Variants in ANK1 observed in about 807,000 individuals in gnomAD.
The protein encoded by ANK1 is ankyrin-1.
Under a neutral mutation model 210.4 loss-of-function variants are expected in ANK1, and 51 were observed. The ratio of observed to expected loss-of-function variants is 0.24; its 90% CI spans 0.19 to 0.31. The LOEUF (loss-of-function observed/expected upper bound fraction) is 0.31. Ranked by LOEUF, ANK1 falls within the 10% of genes least tolerant of loss-of-function variation. The pLI, the probability that ANK1 is intolerant of heterozygous loss-of-function variation, is 1.00. For missense variants in ANK1, 2,051 were observed against 2,504.4 expected, an observed-to-expected ratio of 0.82 and a Z score of 3.86; for synonymous variants, 967 against 1,025.9, an observed-to-expected ratio of 0.94 and a Z score of 1.10.
intron 1 of ANK1, among the ~76,000 whole-genome samples, chr8:41,871,323 T>A (rs1196064052): frequency 6.6e-6 from 1 of 152,120 alleles, no homozygotes; most frequent in Non-Finnish European, 1.5e-5. Context: ...TTTATTTATG[T>A]TTTAGAGACA....
In ANK1 at chr8:41,724,421, C is replaced by A. The variant is rs1179030541; in HGVS notation, c.711+35G>T. ...CAGGAGCAACTGCCAGCCCCAAGCCCCCGGACAGTGAGGGCGCACGTGCCC... is the reference window on the plus strand; with the variant it reads ...CAGGAGCAACTGCCAGCCCCAAGCCACCGGACAGTGAGGGCGCACGTGCCC... On this transcript the variant is annotated intron_variant, in intron 7 of 42. Transcript: ENST00000289734. 2.6e-6 allele frequency: 4 copies of A among 1,526,682 alleles called. No homozygotes were observed. The Admixed American group carries it at 5.9e-5, about 22-fold the overall frequency. The allele number at this position is 1,526,682 out of a possible 1,614,324, so 94.6% of individuals were successfully genotyped here. A position where few individuals can be genotyped will look rare whatever the true frequency, so the allele number is the denominator to read the frequency against.
chr8:41,864,970 A>G (rs1255707797), intron 1 of ANK1, among the ~76,000 whole-genome samples: 1 of 152,330 alleles, frequency 6.6e-6, no homozygotes, highest in South Asian at 2.1e-4. Flanking sequence ...ACACATGGCA[A>G]GAGGGGACCA....
rs1346363723 is a variant in ANK1, at chr8:41,724,495, C to A, written c.672G>T (p.Leu224Phe). 1 of 1,600,166 alleles carries A rather than the reference C, an allele frequency of 6.2e-7. No individual in the cohort carries two copies. The highest frequency in any genetic ancestry group is 1.1e-5 in the South Asian group (1 of 88,158). Residue 224 changes from leucine (L) to phenylalanine (F), a missense_variant, in exon 7 of 43, where the codon TTG (leucine) becomes TTT (phenylalanine). This residue lies in a region of ANK1 where 1,413 missense variants were observed against 1,707.4 expected (regional missense o/e 0.83). Coordinates refer to ENST00000289734, the MANE Select transcript of ANK1 (RefSeq NM_000037.4). Reference sequence around the variant, plus strand: ...TGACGCTGGCTCCTCTGTTGAGGAGCAACTGGGCCACGTTGAGGTTCTCGT... The same window carrying A: ...TGACGCTGGCTCCTCTGTTGAGGAGAAACTGGGCCACGTTGAGGTTCTCGT... The part of the protein sequence containing the change: ...AHYENLNVAQ[L>F]LLNRGASVNF...
At chr8:41,781,397 A>G (rs1845289485) in intron 1 of ANK1, among the ~76,000 whole-genome samples, 1 of 152,198 alleles carries the variant, frequency 6.6e-6, no homozygotes, top group Admixed American at 6.5e-5. Flanking sequence ...GACGCCTTTT[A>G]GGCAGAATTC....
At chr8:41,762,803 G>A (rs964211198) in intron 1 of ANK1, among the ~76,000 whole-genome samples, 6 of 152,184 alleles carry the variant, frequency 3.9e-5, no homozygotes, top group East Asian at 1.9e-4. Flanking sequence ...ATTAACTACC[G>A]TTTATGGCAC....
chr8:41,875,330 G>A (rs1313092870), intron 1 of ANK1, among the ~76,000 whole-genome samples: 1 of 152,238 alleles, frequency 6.6e-6, no homozygotes, highest in Non-Finnish European at 1.5e-5. Context: ...CTGGAGGCAG[G>A]AGGAGGCAGG....
intron 1 of ANK1, among the ~76,000 whole-genome samples, chr8:41,895,172 C>T (rs1325438656): frequency 6.6e-6 from 1 of 152,148 alleles, no homozygotes; most frequent in African/African-American, 2.4e-5. Flanking sequence ...ACTTCTTTCT[C>T]GGAATGAGAC....
intron 1 of ANK1, among the ~76,000 whole-genome samples, chr8:41,849,418 G>A (rs989145601): frequency 2.6e-5 from 4 of 151,762 alleles, no homozygotes; most frequent in African/African-American, 9.7e-5. Context: ...CAGCTACCAG[G>A]GAGGCTGAAG....
At chr8:41,822,132 GAGAAAGAAAGAA>G (rs71239083) in intron 1 of ANK1, among the ~76,000 whole-genome samples, 2,894 of 40,760 alleles carry the variant, frequency 0.071, 75 homozygotes, top group East Asian at 0.095. Context: ...GAGAAAGAAA[GAGAAAGAAAGAA>G]AGAAAGAAAG....
intron 1 of ANK1, among the ~76,000 whole-genome samples, chr8:41,859,329 T>A (rs1015513272): frequency 3.3e-5 from 5 of 151,208 alleles, no homozygotes; most frequent in African/African-American, 1.2e-4. Flanking sequence ...TTATTTTTTG[T>A]TTGTTTGTGT....
chr8:41,677,957 A>C (rs1814736600), intron 37 of ANK1, among the ~76,000 whole-genome samples: 1 of 151,868 alleles, frequency 6.6e-6, no homozygotes, highest in African/African-American at 2.4e-5. Context: ...TACATAACAC[A>C]TTTTTTTCCC....
At chr8:41,876,411 A>T (rs577348676) in intron 1 of ANK1, among the ~76,000 whole-genome samples, 117 of 152,326 alleles carry the variant, frequency 7.7e-4, no homozygotes, top group Non-Finnish European at 1.3e-3. Context: ...GCTGACACTG[A>T]TCGTGCCCCC....
rs114159834 is a variant in ANK1 at position 41,822,285 on chromosome 8, T to C, written c.127-64148A>G. Among the ~76,000 whole-genome samples the C allele has an allele frequency of 4.4e-3, 676 of 152,326 alleles. 5 individuals carry two copies. Among genetic ancestry groups the C allele is most frequent in the African/African-American group, 0.016 (657 of 41,568 alleles). ...TTCACCAACATCCCCAAGAGCATCA[T>C]TGCAACCATATACACGTCCAAGCTC... On this transcript the variant is annotated intron_variant, in intron 1 of 42. Coordinates refer to the ANK1 transcript ENST00000265709.
chr8:41,772,037 C>A (rs777058129), intron 1 of ANK1, among the ~76,000 whole-genome samples: 1 of 152,196 alleles, frequency 6.6e-6, no homozygotes, highest in Non-Finnish European at 1.5e-5. Context: ...CAGTCAGAGA[C>A]ATGAAGTGGC....
intron 1 of ANK1, among the ~76,000 whole-genome samples, chr8:41,820,455 C>A (rs1486721776): frequency 6.6e-6 from 1 of 151,978 alleles, no homozygotes; most frequent in Non-Finnish European, 1.5e-5. Context: ...CTGGGTCTCC[C>A]AAAGCACTGG....
chr8:41,724,004 G>C (rs1326775503), intron 7 of ANK1, among the ~76,000 whole-genome samples: 2 of 151,714 alleles, frequency 1.3e-5, no homozygotes, highest in African/African-American at 2.4e-5. Context: ...TAGCCAGGAT[G>C]GTCTCGATCT....
At chr8:41,774,055 AC>A (rs1480879473) in intron 1 of ANK1, among the ~76,000 whole-genome samples, 2 of 145,040 alleles carry the variant, frequency 1.4e-5, no homozygotes, top group Admixed American at 1.4e-4. Flanking sequence ...TTCCTAAAGA[AC>A]AAAATGCCTT....
chr8:41,794,678 A>G (rs1382509498), intron 1 of ANK1, among the ~76,000 whole-genome samples: 1 of 152,158 alleles, frequency 6.6e-6, no homozygotes, highest in Non-Finnish European at 1.5e-5. Flanking sequence ...TAGGTGCTTC[A>G]TAAATGCTTG....
intron 1 of ANK1, among the ~76,000 whole-genome samples, chr8:41,772,399 G>A (rs1310545382): frequency 6.6e-6 from 1 of 152,200 alleles, no homozygotes; most frequent in Non-Finnish European, 1.5e-5. Flanking sequence ...TTTGGTAAGT[G>A]CTCTATCAAT....
Sources: allele counts gnomAD v4.1 joint callset (sites outside exome capture counted in the v4.1 genomes callset), GRCh38; gene constraint gnomAD v4.1.1; regional missense constraint gnomAD v4.1.1; transcripts MANE v1.5; gene names NCBI Gene and HGNC (gene_info 2026-07-23, HGNC 2026-07-21).